SH2D3A: variants seen among roughly 807,000 people sequenced by gnomAD.
SH2D3A encodes SH2 domain containing 3A.
SH2D3A carries 46 observed loss-of-function variants against 50.6 expected under a neutral mutation model. That is an observed-to-expected ratio of 0.91 (90% CI 0.72 to 1.16). The LOEUF is 1.16. Among genes scored for constraint, SH2D3A ranks in the 50% most tolerant of loss-of-function variants. The pLI, the probability that SH2D3A is intolerant of heterozygous loss-of-function variation, is 0.00. For synonymous variants in SH2D3A, 377 were observed against 348.4 expected, an observed-to-expected ratio of 1.08 and a Z score of -0.91; for missense variants, 783 against 786.2, an observed-to-expected ratio of 1.00 and a Z score of 0.05.
intron 7 of SH2D3A, 37 bp downstream of exon 7, chr19:6,754,214 G>C: frequency 6.2e-7 from 1 of 1,605,736 alleles, no homozygotes; most frequent in South Asian, 1.1e-5. Context: ...CCAGTCACCC[G>C]CACTCCAGCT....
Position 6,760,951 on chromosome 19 carries a change from G to C in SH2D3A, c.106C>G (p.Leu36Val), listed in dbSNP as rs745908479. 12 of 1,612,962 alleles carry C rather than the reference G, an allele frequency of 7.4e-6. No individual in the cohort carries two copies. The highest frequency in any genetic ancestry group is 3.3e-5 in the Admixed American group (2 of 59,772). Residue 36 changes from leucine to valine, a missense_variant, in exon 3 of 10, where the codon CTG (leucine) becomes GTG (valine). By Grantham distance (32) the Leu-to-Val change is conservative. Coordinates refer to ENST00000245908, the MANE Select transcript of SH2D3A (RefSeq NM_005490.3). Reference sequence around the variant, plus strand: ...CCACGGGACCCAGAGGCGCGAACCAGGAAGTCGCCATTTTGCTGAAGAAGA... The same window carrying C: ...CCACGGGACCCAGAGGCGCGAACCACGAAGTCGCCATTTTGCTGAAGAAGA... ...EALLQQNGDF[L>V]VRASGSRGGN...
intron 1 of SH2D3A, 89 bp from the exon 2 acceptor site, chr19:6,763,905 CTTT>C (rs1168778786): frequency 0.021 from 2,291 of 108,282 alleles, 1 homozygote; most frequent in South Asian, 0.072. Flanking sequence ...TCCATCAAAT[CTTT>C]TTTTTTTTTT....
Position 6,752,716 on chromosome 19 carries a change from G to A in SH2D3A, c.1608C>T (p.Thr536=). 1.3e-6 allele frequency: 2 copies of A among 1,552,262 alleles called. No homozygotes were observed. The highest frequency in any genetic ancestry group is 8.7e-7 in the Non-Finnish European group (1 of 1,147,406). The change falls in exon 10 of 10, where the codon ACC becomes ACT. Residue 536 remains threonine (T), a synonymous_variant. Transcript: ENST00000245908. ...RPNPELREAL[T]TGFVRRLLWG... is the part of the protein sequence containing the mutation. Reference sequence around the variant, plus strand: ...AGAGCAGCCTCCGCACGAAGCCGGTGGTCAGGGCCTCCCTCAGCTCCGGGT... The same window carrying A: ...AGAGCAGCCTCCGCACGAAGCCGGTAGTCAGGGCCTCCCTCAGCTCCGGGT...
In SH2D3A at chr19:6,760,981, C is replaced by G. The variant is rs765957448; in HGVS notation, c.76G>C (p.Glu26Gln). The G allele has an allele frequency of 3.1e-6, 5 of 1,607,968 alleles. No individual in the cohort carries two copies. In the Admixed American group the frequency reaches 5.0e-5, roughly 16 times the overall value. Residue 26 changes from glutamate to glutamine, a missense_variant, in exon 3 of 10, where the codon GAA (glutamate) becomes CAA (glutamine). Physicochemically the swap from Glu to Gln is conservative, Grantham distance 29 (BLOSUM62 2). Coordinates refer to ENST00000245908, the MANE Select transcript of SH2D3A (RefSeq NM_005490.3). ...TCGCCATTTTGCTGAAGAAGAGCTT[C>G]AGCCTTCTGTGGATGAAGTTCAGGG... ...YHGLLSRQKA[E>Q]ALLQQNGDFL...
At position 6,752,544 on chromosome 19, in the gene SH2D3A, G is replaced by T; in HGVS notation, c.*49C>A. ...GACGACTCCTTTGGTCTCTTCTGGG[G>T]TTCGCAAAAACCTGGGGGTCCCGGG... is the stretch of plus-strand genomic sequence containing the variant. On this transcript the variant is annotated 3_prime_UTR_variant, in exon 10 of 10. Coordinates refer to ENST00000245908, the MANE Select transcript of SH2D3A (RefSeq NM_005490.3). The T allele has an allele frequency of 6.8e-7, 1 of 1,463,308 alleles. No homozygotes were observed. Among genetic ancestry groups the T allele is most frequent in the Non-Finnish European group, 9.1e-7 (1 of 1,100,372 alleles). 90.6% of individuals were successfully genotyped at this position (1,463,308 alleles called of 1,614,324 possible). A position where few individuals can be genotyped will look rare whatever the true frequency, so the allele number is the denominator to read the frequency against.
chr19:6,761,954 CAAAAAAAA>C (rs111334954), intron 2 of SH2D3A, among the ~76,000 whole-genome samples: 1 of 67,460 alleles, frequency 1.5e-5, no homozygotes. Flanking sequence ...GTCTCAAAAA[CAAAAAAAA>C]AACAAAAAAA....
chr19:6,752,989 C>A (rs146101423), intron 9 of SH2D3A: 12,700 of 985,314 alleles, frequency 0.013, 93 homozygotes, highest in Non-Finnish European at 0.015. Context: ...GTGGCCTGTT[C>A]CAGGTGCCAG....
At chr19:6,756,173 TTTAAA>T (rs1314242493) in intron 4 of SH2D3A, among the ~76,000 whole-genome samples, 1 of 148,188 alleles carries the variant, frequency 6.7e-6, no homozygotes, top group Non-Finnish European at 1.5e-5. Context: ...ATAATATATA[TTTAAA>T]TTAAGTATAT....
At chr19:6,764,142 T>G (rs1970182242) in intron 1 of SH2D3A, 1 of 154,992 alleles carries the variant, frequency 6.5e-6, no homozygotes. Flanking sequence ...CAGGCTGGTC[T>G]TGAACTCCTG....
In SH2D3A at chr19:6,754,097, C is replaced by G. The variant is rs1969495673; in HGVS notation, c.1339G>C (p.Glu447Gln). ...RSHTEAALAFEQELKPLMRAL... is the reference protein window; with the variant it reads ...RSHTEAALAFQQELKPLMRAL... ...CGCATCAGCGGCTTCAGCTCCTGCT[C>G]AAAGGCCAGCGCAGCCTCCGTGTGG... Residue 447 changes from glutamate (E) to glutamine (Q), a missense_variant, in exon 8 of 10, where the codon GAG (glutamate) becomes CAG (glutamine). Transcript: ENST00000245908. The G allele has an allele frequency of 1.2e-6, 2 of 1,613,028 alleles. No homozygotes were observed. Among genetic ancestry groups the G allele is most frequent in the Non-Finnish European group, 8.5e-7 (1 of 1,179,560 alleles).
intron 6 of SH2D3A, 67 bp downstream of exon 6, chr19:6,754,549 G>A: frequency 1.9e-6 from 3 of 1,605,280 alleles, no homozygotes; most frequent in Non-Finnish European, 2.6e-6. Flanking sequence ...GTGGGGAGCT[G>A]TTTGGAGATC....
intron 1 of SH2D3A, among the ~76,000 whole-genome samples, chr19:6,766,654 C>T (rs187393852): frequency 4.3e-4 from 66 of 152,326 alleles, no homozygotes; most frequent in Middle Eastern, 3.4e-3. Context: ...CCTAGAGATA[C>T]AGTGACTAAG....
chr19:6,759,615 T>C lies in SH2D3A; in HGVS notation c.475A>G (p.Arg159Gly). 1 of 1,614,006 alleles carries C rather than the reference T, an allele frequency of 6.2e-7. No individual in the cohort carries two copies. Among genetic ancestry groups the C allele is most frequent in the Non-Finnish European group, 8.5e-7 (1 of 1,179,916 alleles). ...PADLAHMGRS[R>G]EDPAGMEAST... is the part of the protein sequence containing the mutation. ...TTACCCATCCCAGCGGGGTCTTCTC[T>C]TGACCGCCCCATATGTGCCAAATCT... Residue 159 changes from arginine (R) to glycine (G), a missense_variant, in exon 4 of 10, where the codon AGA becomes GGA. Transcript: ENST00000245908.
At position 6,753,462 on chromosome 19, in the gene SH2D3A, G is replaced by A. The variant is rs1204372722; in HGVS notation, c.1564C>T (p.Leu522=). 2 of 1,508,230 alleles carry A rather than the reference G, an allele frequency of 1.3e-6. No homozygotes were observed. Among genetic ancestry groups the A allele is most frequent in the East Asian group, 5.0e-5 (2 of 39,888 alleles). 93.4% of individuals were successfully genotyped at this position (1,508,230 alleles called of 1,614,324 possible). ...GCGCAGAGGGAACGCTCACCTCGCA[G>A]GCGCTGGGCTGCCACCTTGCGGAAT... ...PKFRKVAAQR[L]RGFRPNPELR... The change falls in exon 9 of 10, where the codon CTG becomes TTG. Residue 522 remains leucine (L), a synonymous_variant. Transcript: ENST00000245908.
chr19:6,752,315 A>C lies in SH2D3A; in HGVS notation c.*278T>G. 1 of 332,066 alleles carries C rather than the reference A, an allele frequency of 3.0e-6. No homozygotes were observed. The highest frequency in any genetic ancestry group is 5.4e-6 in the Non-Finnish European group (1 of 184,306). 20.6% of individuals were successfully genotyped at this position (332,066 alleles called of 1,614,324 possible). A position where few individuals can be genotyped will look rare whatever the true frequency, so the allele number is the denominator to read the frequency against. On this transcript the variant is annotated 3_prime_UTR_variant, in exon 10 of 10. Transcript: ENST00000245908. ...TACAGGCCTGAGCTGCTGTATGGCTATGATTTTGTTAAAGGCCGACACAGA... is the reference window on the plus strand; with the variant it reads ...TACAGGCCTGAGCTGCTGTATGGCTCTGATTTTGTTAAAGGCCGACACAGA...
intron 9 of SH2D3A, chr19:6,753,237 G>T: frequency 1.0e-6 from 1 of 985,414 alleles, no homozygotes; most frequent in African/African-American, 1.7e-5. Context: ...GGGCAGGACA[G>T]CCCGTTTTGA....
chr19:6,761,968 A>AAC (rs1568269503), intron 2 of SH2D3A, among the ~76,000 whole-genome samples: 3 of 141,446 alleles, frequency 2.1e-5, no homozygotes, highest in African/African-American at 8.1e-5. Flanking sequence ...AAAAAAACAA[A>AAC]AAAAAAAACA....
In SH2D3A at chr19:6,754,552, T is replaced by C. The variant is rs1359170819; in HGVS notation, c.1097+64A>G. On this transcript the variant is annotated intron_variant, in intron 6 of 9. Transcript: ENST00000245908. ...GGGGAACCATGAGTGGGGAGCTGTT[T>C]GGAGATCTTGGGAAGTGGGGGGAAT... 1.9e-6 allele frequency: 3 copies of C among 1,606,892 alleles called. No individual in the cohort carries two copies. The East Asian group carries it at 6.7e-5, about 36-fold the overall frequency.
chr19:6,754,843 C>G lies in SH2D3A; in HGVS notation c.969G>C (p.Leu323Phe). Residue 323 changes from leucine to phenylalanine, a missense_variant, in exon 5 of 10, where the codon TTG becomes TTC. Leu to Phe is a conservative substitution (Grantham distance 22). Coordinates refer to ENST00000245908, the MANE Select transcript of SH2D3A (RefSeq NM_005490.3). ...HPGSTALHLL[L>F]VDCQATGLLG... is the part of the protein sequence containing the mutation. ...GGAGGTGACCCACCTGGCAGTCTAC[C>G]AATAGCAGGTGAAGGGCGGTGCTCC... The G allele has an allele frequency of 6.2e-7, 1 of 1,602,724 alleles. No individual in the cohort carries two copies.
Sources: gnomAD v4.1 joint callset for allele counts (sites outside exome capture counted in the v4.1 genomes callset) on GRCh38, gnomAD v4.1.1 for gene constraint, MANE v1.5 for transcripts, NCBI Gene and HGNC (gene_info 2026-07-23, HGNC 2026-07-21) for gene names.